Variants in SCAPER observed in about 807,000 individuals in gnomAD.
The protein encoded by SCAPER is S-phase cyclin A associated protein in the ER.
SCAPER carries 98 observed loss-of-function variants against 182.2 expected under a neutral mutation model. The ratio of observed to expected loss-of-function variants is 0.54; its 90% CI spans 0.46 to 0.64. SCAPER has a LOEUF of 0.64. Ranked by LOEUF, SCAPER falls within the 30% of genes least tolerant of loss-of-function variation. The probability of loss-of-function intolerance (pLI) is 0.00; values close to 1 mark genes in which losing one functional copy is unlikely to be tolerated. For synonymous variants in SCAPER, 605 were observed against 564.6 expected (o/e 1.07, Z -1.01); for missense variants, 1,432 against 1,690.0 (o/e 0.85, Z 2.68).
intron 8 of SCAPER, among the ~76,000 whole-genome samples, chr15:76,778,981 A>G (rs1157867014): frequency 6.6e-6 from 1 of 152,092 alleles, no homozygotes; most frequent in Non-Finnish European, 1.5e-5. Context: ...GAAAATTACT[A>G]AGGACAAAAA....
chr15:76,558,719 A>G lies in SCAPER; in HGVS notation c.2838+15439T>C, dbSNP rs377079831. 5.3e-5 allele frequency among the ~76,000 whole-genome samples: 8 copies of G among 152,290 alleles called. No homozygotes were observed. In the East Asian group the frequency reaches 1.3e-3, roughly 26 times the overall value. ...TGTTCTACCATAAAGACACACGCACATGTATGTTCATCACAGCACTATTCA... is the reference window on the plus strand; with the variant it reads ...TGTTCTACCATAAAGACACACGCACGTGTATGTTCATCACAGCACTATTCA... On this transcript the variant is annotated intron_variant, in intron 23 of 31. Transcript: ENST00000563290.
rs184668844 is a variant in SCAPER at position 76,777,976 on chromosome 15, T to C, written c.773-2859A>G. Among the ~76,000 whole-genome samples the C allele has an allele frequency of 4.0e-3, 604 of 152,290 alleles. 5 individuals carry two copies. The highest frequency in any genetic ancestry group is 0.012 in the African/African-American group (516 of 41,568). On this transcript the variant is annotated intron_variant, in intron 8 of 31. Coordinates refer to ENST00000563290, the MANE Select transcript of SCAPER (RefSeq NM_020843.4). Reference sequence around the variant, plus strand: ...ATCATCTAATACAAAGCCTATTTTATAATAGAGTGTTAAATAACTCATGTA... The same window carrying C: ...ATCATCTAATACAAAGCCTATTTTACAATAGAGTGTTAAATAACTCATGTA...
At chr15:76,382,400 G>C (rs1420447665) in intron 27 of SCAPER, among the ~76,000 whole-genome samples, 1 of 146,500 alleles carries the variant, frequency 6.8e-6, no homozygotes, top group African/African-American at 2.5e-5. Flanking sequence ...TCTTTTCACA[G>C]GTGTTAAAAA....
chr15:76,504,882 G>A lies in SCAPER; in HGVS notation c.2931C>T (p.Asn977=), dbSNP rs2041444316. 3 of 1,610,490 alleles carry A rather than the reference G, an allele frequency of 1.9e-6. No individual in the cohort carries two copies. The highest frequency in any genetic ancestry group is 1.3e-5 in the African/African-American group (1 of 74,836). The part of the protein sequence containing the change: ...LQAVVPATNV[N]TVLRIPPKSL... Reference sequence around the variant, plus strand: ...ACTTAGGAGGAATTCTTAAAACTGTGTTCACATTTGTGGCTGGGACTACTG... The same window carrying A: ...ACTTAGGAGGAATTCTTAAAACTGTATTCACATTTGTGGCTGGGACTACTG... The change falls in exon 24 of 32, where the codon AAC becomes AAT. Residue 977 remains asparagine, a synonymous_variant. Transcript: ENST00000563290.
At chr15:76,485,649 A>C (rs1216639063) in intron 24 of SCAPER, among the ~76,000 whole-genome samples, 1 of 152,226 alleles carries the variant, frequency 6.6e-6, no homozygotes, top group African/African-American at 2.4e-5. Flanking sequence ...ACAGGGCTAC[A>C]GTAACCAAAG....
intron 27 of SCAPER, 98 bp downstream of exon 27, chr15:76,404,426 A>T: frequency 8.3e-7 from 1 of 1,209,754 alleles, no homozygotes; most frequent in East Asian, 2.5e-5. Context: ...GATGGCCAAG[A>T]TGACCACTTG....
At chr15:76,621,945 G>A in intron 21 of SCAPER, 116 bp from the exon 22 acceptor site, 1 of 663,482 alleles carries the variant, frequency 1.5e-6, no homozygotes, top group East Asian at 2.8e-5. Flanking sequence ...TAAATCTGGT[G>A]ATTGAAGTGG....
In SCAPER at chr15:76,690,416, G is replaced by A. The variant is rs186247043; in HGVS notation, c.2508+11342C>T. On this transcript the variant is annotated intron_variant, in intron 20 of 31. Transcript: ENST00000563290. The stretch of plus-strand genomic sequence containing the variant: ...CCAGAGAGTACCAAGGGGACATAGT[G>A]ACTAAATGAAATGTATAGTCCTAGA... Among the ~76,000 whole-genome samples, 220 of 152,222 alleles carry A rather than the reference G, an allele frequency of 1.4e-3. 1 individual carries two copies. Among genetic ancestry groups the A allele is most frequent in the Admixed American group, 3.7e-3 (56 of 15,298 alleles).
intron 22 of SCAPER, among the ~76,000 whole-genome samples, chr15:76,585,153 C>A (rs1481784585): frequency 6.6e-6 from 1 of 152,060 alleles, no homozygotes; most frequent in Non-Finnish European, 1.5e-5. Context: ...TCAGTTTCTT[C>A]ATCTTAAAAG....
At chr15:76,575,038 T>C (rs552861896) in intron 22 of SCAPER, among the ~76,000 whole-genome samples, 9 of 152,280 alleles carry the variant, frequency 5.9e-5, no homozygotes, top group Admixed American at 1.3e-4. Flanking sequence ...ATTATAATCA[T>C]TTTCTTGCAA....
intron 20 of SCAPER, among the ~76,000 whole-genome samples, chr15:76,695,546 G>A (rs1046584247): frequency 1.1e-4 from 16 of 149,638 alleles, no homozygotes; most frequent in Admixed American, 2.7e-4. Flanking sequence ...GCAGTGAGCC[G>A]AGATCAAGCC....
At chr15:76,449,897 A>AT (rs1479374504) in intron 25 of SCAPER, among the ~76,000 whole-genome samples, 2 of 152,188 alleles carry the variant, frequency 1.3e-5, no homozygotes, top group Non-Finnish European at 2.9e-5. Flanking sequence ...TCCATGTCTT[A>AT]TCTATTCTAT....
intron 4 of SCAPER, 21 bp from the exon 5 acceptor site, chr15:76,841,952 A>G: frequency 6.3e-7 from 1 of 1,583,966 alleles, no homozygotes; most frequent in East Asian, 2.2e-5. Flanking sequence ...AAAATAAAAC[A>G]TGAAAATAAA....
chr15:76,563,838 A>G (rs166905), intron 23 of SCAPER, among the ~76,000 whole-genome samples: 149,295 of 152,286 alleles, frequency 0.98, 73,243 homozygotes, highest in South Asian at 1. Flanking sequence ...TCATCTCTGG[A>G]ATGGAAGGTT....
At chr15:76,649,537 AT>A (rs1051182533) in intron 21 of SCAPER, among the ~76,000 whole-genome samples, 5 of 151,144 alleles carry the variant, frequency 3.3e-5, no homozygotes, top group East Asian at 1.9e-4. Flanking sequence ...ATGGAAAAAA[AT>A]ATATATATAT....
At chr15:76,414,514 G>C (rs2045521200) in intron 26 of SCAPER, among the ~76,000 whole-genome samples, 1 of 151,794 alleles carries the variant, frequency 6.6e-6, no homozygotes, top group Admixed American at 6.6e-5. Flanking sequence ...AATGAAGGCT[G>C]ATTTTTTATA....
At chr15:76,548,259 C>T (rs2045464720) in intron 23 of SCAPER, among the ~76,000 whole-genome samples, 2 of 152,160 alleles carry the variant, frequency 1.3e-5, no homozygotes, top group South Asian at 4.1e-4. Flanking sequence ...CTAAACAGAA[C>T]ATTAGAATTG....
chr15:76,576,970 T>C (rs2047874293), intron 22 of SCAPER: 1 of 152,174 alleles, frequency 6.6e-6, no homozygotes, highest in South Asian at 2.1e-4. Flanking sequence ...AGAACTGCAA[T>C]TCCTGGGCAA....
Position 76,753,815 on chromosome 15 carries a change from T to G in SCAPER, c.1859A>C (p.Glu620Ala), listed in dbSNP as rs781606358. 4 of 1,612,112 alleles carry G rather than the reference T, an allele frequency of 2.5e-6. No individual in the cohort carries two copies. Among genetic ancestry groups the G allele is most frequent in the African/African-American group, 2.7e-5 (2 of 74,878 alleles). Residue 620 changes from glutamate (E) to alanine (A), a missense_variant, in exon 15 of 32, where the codon GAA (glutamate) becomes GCA (alanine). By Grantham distance (107) the Glu-to-Ala change is moderately radical (BLOSUM62 -1). Transcript: ENST00000563290. The part of the protein sequence containing the change: ...QAIVKKAQEE[E>A]AKVNEIAFIN... ...AAAGCTCTTATGATATACCTTAGCTTCTTCTTCTTGTGCTTTTTTCACAAT... is the reference window on the plus strand; with the variant it reads ...AAAGCTCTTATGATATACCTTAGCTGCTTCTTCTTGTGCTTTTTTCACAAT...
Sources: allele counts gnomAD v4.1 joint callset (sites outside exome capture counted in the v4.1 genomes callset), GRCh38; gene constraint gnomAD v4.1.1; transcripts MANE v1.5; gene names NCBI Gene and HGNC (gene_info 2026-07-23, HGNC 2026-07-21).